The following CAMK4 variants were observed in gnomAD, a reference collection of about 807,000 sequenced individuals.
CAMK4 encodes calcium/calmodulin dependent protein kinase IV.
Under a neutral mutation model 44.9 loss-of-function variants are expected in CAMK4, and 22 were observed. The observed-to-expected ratio is 0.49, with a 90% CI of 0.35 to 0.70. The LOEUF is 0.70. Among genes scored for constraint, CAMK4 ranks in the 30% least tolerant of loss-of-function variants. The pLI is 0.01. For missense variants in CAMK4, 498 were observed against 586.8 expected (o/e 0.85, Z 1.56); for synonymous variants, 218 against 215.4 (o/e 1.01, Z -0.11).
intron 1 of CAMK4, among the ~76,000 whole-genome samples, chr5:111,269,501 G>T (rs1458217535): frequency 6.6e-6 from 1 of 152,122 alleles, no homozygotes; most frequent in Non-Finnish European, 1.5e-5. Flanking sequence ...GGTCCTTGCT[G>T]TGCAGTGGCT....
chr5:111,291,325 C>G lies in CAMK4; in HGVS notation c.162-52699C>G, dbSNP rs180915032. Among the ~76,000 whole-genome samples, 200 of 151,912 alleles carry G rather than the reference C, an allele frequency of 1.3e-3. 1 individual carries two copies. The highest frequency in any genetic ancestry group is 6.8e-3 in the Middle Eastern group (2 of 292). On this transcript the variant is annotated intron_variant, in intron 1 of 10. Coordinates refer to ENST00000282356, the MANE Select transcript of CAMK4 (RefSeq NM_001744.6). Reference sequence around the variant, plus strand: ...TATTATTTTAGAAATGAAAAAATAACAAAAAAGTTGATAAATGTCTGTTGA... The same window carrying G: ...TATTATTTTAGAAATGAAAAAATAAGAAAAAAGTTGATAAATGTCTGTTGA...
At chr5:111,263,932 G>C (rs1280615972) in intron 1 of CAMK4, among the ~76,000 whole-genome samples, 1 of 150,938 alleles carries the variant, frequency 6.6e-6, no homozygotes, top group Non-Finnish European at 1.5e-5. Flanking sequence ...CATTCTCATA[G>C]AAAAAAAAAG....
rs375368537 is a variant in CAMK4, at chr5:111,224,621, C to T, written c.138C>T (p.Phe46=). ...ACAGGGATGCGCTGAGCGATTTCTT[C>T]GAGGTGGAGTCGGAGCTGGGACGGT... ...GSNRDALSDF[F]EVESELGRGA... Residue 46 remains phenylalanine, a synonymous_variant, in exon 1 of 11, where the codon TTC becomes TTT. Coordinates refer to ENST00000282356, the MANE Select transcript of CAMK4 (RefSeq NM_001744.6). This position sits in a 1 kb window ranked among gnomAD's most constrained non-coding sequence, Gnocchi z 5.7. 12 of 1,610,810 alleles carry T rather than the reference C, an allele frequency of 7.4e-6. No individual in the cohort carries two copies. The highest frequency in any genetic ancestry group is 4.1e-4 in the Middle Eastern group (2 of 4,920).
chr5:111,464,209 G>A (rs74519715), intron 7 of CAMK4, among the ~76,000 whole-genome samples: 1,750 of 149,288 alleles, frequency 0.012, 30 homozygotes, highest in African/African-American at 0.04. Context: ...AAGTCTCAGC[G>A]ATAGACCTGA....
intron 5 of CAMK4, among the ~76,000 whole-genome samples, chr5:111,407,448 C>T (rs573216121): frequency 1.3e-5 from 2 of 151,390 alleles, no homozygotes; most frequent in South Asian, 2.1e-4. Flanking sequence ...AAGGCATGCA[C>T]TGTTTCTGAT....
At chr5:111,232,459 A>C (rs1310181432) in intron 1 of CAMK4, among the ~76,000 whole-genome samples, 1 of 152,178 alleles carries the variant, frequency 6.6e-6, no homozygotes, top group African/African-American at 2.4e-5. Flanking sequence ...GAGGCAAAAA[A>C]AGGACAGAAA....
chr5:111,282,947 A>C (rs181627446), intron 1 of CAMK4: 1 of 152,384 alleles, frequency 6.6e-6, no homozygotes, highest in East Asian at 1.9e-4. Context: ...GCAGAGTATC[A>C]GTTGTTTATC....
In CAMK4 at chr5:111,394,800, G is replaced by A; in HGVS notation, c.459+18G>A. 2 of 1,517,960 alleles carry A rather than the reference G, an allele frequency of 1.3e-6. No homozygotes were observed. Among genetic ancestry groups the A allele is most frequent in the Non-Finnish European group, 1.8e-6 (2 of 1,092,874 alleles). The allele number at this position is 1,517,960 out of a possible 1,614,324, so 94.0% of individuals were successfully genotyped here. A position where few individuals can be genotyped will look rare whatever the true frequency, so the allele number is the denominator to read the frequency against. On this transcript the variant is annotated intron_variant, in intron 5 of 10. Transcript: ENST00000282356. ...CAGTTGCTGTAAGTATGAAGTAACA[G>A]CAATGGTGTAACTCTTAGTCATCTC...
intron 1 of CAMK4, among the ~76,000 whole-genome samples, chr5:111,308,328 C>T (rs988183225): frequency 1.3e-5 from 2 of 151,620 alleles, no homozygotes; most frequent in Admixed American, 1.3e-4. Flanking sequence ...AAAATATGAG[C>T]AAGCTTTAAT....
At chr5:111,300,348 T>TC (rs1245509561) in intron 1 of CAMK4, among the ~76,000 whole-genome samples, 2 of 152,220 alleles carry the variant, frequency 1.3e-5, no homozygotes, top group African/African-American at 4.8e-5. Flanking sequence ...AAACTTTGCC[T>TC]TGTGGGGGAG....
At chr5:111,355,249 T>C (rs1750288010) in intron 2 of CAMK4, among the ~76,000 whole-genome samples, 1 of 152,070 alleles carries the variant, frequency 6.6e-6, no homozygotes, top group Non-Finnish European at 1.5e-5. Flanking sequence ...ATAGGGACTA[T>C]CAAACCAGGT....
At chr5:111,385,641 TTGGCTCA>T (rs1447181121) in intron 4 of CAMK4, among the ~76,000 whole-genome samples, 1 of 152,088 alleles carries the variant, frequency 6.6e-6, no homozygotes, top group Non-Finnish European at 1.5e-5. Flanking sequence ...TGGCGTGATC[TTGGCTCA>T]CTGCAAACTC....
Position 111,460,265 on chromosome 5 carries a change from C to CTTTTTTTT in CAMK4, c.625+11067_625+11068insTTTTTTTT, listed in dbSNP as rs200566906. On this transcript the variant is annotated intron_variant, in intron 7 of 10. Coordinates refer to ENST00000282356, the MANE Select transcript of CAMK4 (RefSeq NM_001744.6). ...TAATGTTTTTCTTTTCTTTTCTTTT[C>CTTTTTTTT]TTTTTCTTTTTTTTTTTTTTGAGGC... Among the ~76,000 whole-genome samples the CTTTTTTTT allele has an allele frequency of 1.9e-4, 23 of 122,714 alleles. 5 individuals carry two copies. The highest frequency in any genetic ancestry group is 2.6e-4 in the Admixed American group (3 of 11,710). 80.5% of individuals were successfully genotyped at this position (122,714 alleles called of 152,430 possible).
intron 1 of CAMK4, among the ~76,000 whole-genome samples, chr5:111,281,876 G>A (rs1751032325): frequency 6.6e-6 from 1 of 151,800 alleles, no homozygotes; most frequent in Non-Finnish European, 1.5e-5. Context: ...GGCTAACACG[G>A]TGAAACCCCG....
intron 2 of CAMK4, among the ~76,000 whole-genome samples, chr5:111,373,844 G>A (rs1282056309): frequency 6.6e-6 from 1 of 152,110 alleles, no homozygotes; most frequent in Non-Finnish European, 1.5e-5. Flanking sequence ...TCTATCGATT[G>A]TTTTGATAAA....
chr5:111,383,968 A>G (rs1267545066), intron 4 of CAMK4, among the ~76,000 whole-genome samples: 4 of 152,206 alleles, frequency 2.6e-5, no homozygotes, highest in African/African-American at 7.2e-5. Flanking sequence ...ATATAGACAG[A>G]AGCAAAACAG....
intron 2 of CAMK4, among the ~76,000 whole-genome samples, chr5:111,354,445 CA>C (rs58501236): frequency 1.5e-4 from 19 of 125,190 alleles, no homozygotes; most frequent in Non-Finnish European, 2.7e-4. Flanking sequence ...ATTCTCACCA[CA>C]AAAAAAAAAA....
intron 1 of CAMK4, among the ~76,000 whole-genome samples, chr5:111,272,656 T>C (rs184803265): frequency 4.5e-4 from 68 of 152,290 alleles, no homozygotes; most frequent in Admixed American, 8.5e-4. Context: ...GTAAATAAAA[T>C]TATTCAAGTA....
At chr5:111,398,253 A>G (rs1042444828) in intron 5 of CAMK4, among the ~76,000 whole-genome samples, 2 of 152,230 alleles carry the variant, frequency 1.3e-5, no homozygotes, top group Non-Finnish European at 2.9e-5. Flanking sequence ...TAATTTCAAA[A>G]TTCAGAACAG....
Sources: allele counts gnomAD v4.1 joint callset (sites outside exome capture counted in the v4.1 genomes callset), GRCh38; gene constraint gnomAD v4.1.1; non-coding constraint Gnocchi (gnomAD v3.1); transcripts MANE v1.5; gene names NCBI Gene and HGNC (gene_info 2026-07-23, HGNC 2026-07-21).